The following LIMCH1 variants were observed in gnomAD, a reference collection of about 807,000 sequenced individuals.
LIMCH1 encodes LIM and calponin homology domains 1, also known as LIM and calponin homology domains-containing protein 1.
Under a neutral mutation model 176.5 loss-of-function variants are expected in LIMCH1, and 113 were observed. The observed-to-expected ratio is 0.64, with a 90% CI of 0.55 to 0.75. LIMCH1 has a LOEUF of 0.75. Among genes scored for constraint, LIMCH1 ranks in the 30% least tolerant of loss-of-function variants. The probability of loss-of-function intolerance (pLI) is 0.00; values close to 1 mark genes in which losing one functional copy is unlikely to be tolerated. For missense variants in LIMCH1, 1,674 were observed against 1,814.9 expected (o/e 0.92, Z 1.41); for synonymous variants, 619 against 645.9 (o/e 0.96, Z 0.63).
Position 41,632,758 on chromosome 4 carries a change from T to C in LIMCH1, c.1611T>C (p.Asn537=), listed in dbSNP as rs73810295. 9,056 of 1,536,154 alleles carry C rather than the reference T, an allele frequency of 5.9e-3. 450 individuals carry two copies. The African/African-American group carries it at 0.11, about 18-fold the overall frequency. ...ACTTGATCGTCTGCAGAACAATGAA[T>C]TGTGGCCGAGGTGACTATTGCAGAA... is the stretch of plus-strand genomic sequence containing the variant. ...FNRQNDCRTM[N]CGRGDYCRRA... Residue 537 remains asparagine, a synonymous_variant, in exon 11 of 32, where the codon AAT becomes AAC. Transcript: ENST00000503057.
At chr4:41,535,244 A>G (rs972437213), upstream of LIMCH1, among the ~76,000 whole-genome samples, 1 of 151,886 alleles carries the variant, frequency 6.6e-6, no homozygotes, top group South Asian at 2.1e-4. Context: ...TATCCATCCA[A>G]TCTTGTGCCC....
intron 1 of LIMCH1, among the ~76,000 whole-genome samples, chr4:41,447,088 G>A (rs1347461351): frequency 1.3e-5 from 2 of 152,086 alleles, no homozygotes; most frequent in African/African-American, 4.8e-5. Context: ...AAATTAGCTG[G>A]GCATGGTGGC....
At chr4:41,483,800 G>A (rs568849695) in intron 1 of LIMCH1, among the ~76,000 whole-genome samples, 47 of 152,262 alleles carry the variant, frequency 3.1e-4, no homozygotes, top group Middle Eastern at 3.4e-3. Context: ...AATGTCAGCC[G>A]CTCAAGGGCC....
intron 1 of LIMCH1, among the ~76,000 whole-genome samples, chr4:41,429,364 C>T (rs763529225): frequency 1.3e-5 from 2 of 151,862 alleles, no homozygotes; most frequent in Admixed American, 6.6e-5. Flanking sequence ...CCATAGCCAC[C>T]GAGTGAAGGG....
At chr4:41,487,757 C>CA (rs1347569360) in intron 1 of LIMCH1, among the ~76,000 whole-genome samples, 1 of 144,932 alleles carries the variant, frequency 6.9e-6, no homozygotes, top group Non-Finnish European at 1.5e-5. Context: ...CTCCTGGGTT[C>CA]ACGCCATTCT....
At chr4:41,593,144 C>G (rs913434994) in intron 1 of LIMCH1, among the ~76,000 whole-genome samples, 12 of 152,158 alleles carry the variant, frequency 7.9e-5, no homozygotes, top group African/African-American at 2.9e-4. Flanking sequence ...GTAAGAGGCC[C>G]TGGGAAGGTA....
At chr4:41,621,349 A>G (rs953179095) in intron 7 of LIMCH1, among the ~76,000 whole-genome samples, 1 of 152,094 alleles carries the variant, frequency 6.6e-6, no homozygotes, top group East Asian at 1.9e-4. Context: ...ATAGTTCTGC[A>G]CTCTTCTGTA....
chr4:41,484,294 C>T (rs1483432550), intron 1 of LIMCH1, among the ~76,000 whole-genome samples: 1 of 152,088 alleles, frequency 6.6e-6, no homozygotes, highest in East Asian at 1.9e-4. Context: ...GGGTTGGGAC[C>T]AGATCTTGTC....
At chr4:41,641,975 G>A (rs2093841257) in intron 14 of LIMCH1, among the ~76,000 whole-genome samples, 1 of 152,224 alleles carries the variant, frequency 6.6e-6, no homozygotes, top group Admixed American at 6.5e-5. Flanking sequence ...ACAGACAAAG[G>A]TAATTCTTAA....
chr4:41,419,200 C>T (rs549934336), intron 1 of LIMCH1, among the ~76,000 whole-genome samples: 17 of 150,796 alleles, frequency 1.1e-4, no homozygotes, highest in South Asian at 1.0e-3. Context: ...TATTTTGAGA[C>T]GGAGTCTAGC....
In LIMCH1 at chr4:41,538,343, G is replaced by A. The variant is rs574413333; in HGVS notation, c.-248G>A. 178 of 985,188 alleles carry A rather than the reference G, an allele frequency of 1.8e-4. No individual in the cohort carries two copies. Among genetic ancestry groups the A allele is most frequent in the Non-Finnish European group, 2.1e-4 (172 of 829,888 alleles). The allele number at this position is 985,188 out of a possible 1,614,324, so 61.0% of individuals were successfully genotyped here. The stretch of plus-strand genomic sequence containing the variant: ...GGAGTTCATTGCGGAGCATGAGGAC[G>A]TGTGGGGGTAAGTAAAATTCATTAT... On this transcript the variant is annotated 5_prime_UTR_variant, in exon 1 of 32. In the 5' UTR this introduces an upstream ATG that the reference lacks. Transcript: ENST00000503057.
chr4:41,373,424 T>C (rs1381951537), intron 1 of LIMCH1, among the ~76,000 whole-genome samples: 1 of 152,242 alleles, frequency 6.6e-6, no homozygotes, highest in Non-Finnish European at 1.5e-5. Flanking sequence ...GAATCCTCCG[T>C]GCTTCTTGGC....
intron 1 of LIMCH1, among the ~76,000 whole-genome samples, chr4:41,552,076 C>T (rs1415775719): frequency 2.0e-5 from 3 of 152,114 alleles, no homozygotes; most frequent in African/African-American, 7.2e-5. Context: ...CAAGAGAGAG[C>T]GTGTGCAGGG....
At chr4:41,477,925 T>G (rs111693794) in intron 1 of LIMCH1, among the ~76,000 whole-genome samples, 43 of 152,296 alleles carry the variant, frequency 2.8e-4, no homozygotes, top group African/African-American at 1.0e-3. Flanking sequence ...AGCTACCACC[T>G]TAATGGTGGA....
chr4:41,408,785 T>C (rs2059217839), intron 1 of LIMCH1, among the ~76,000 whole-genome samples: 1 of 152,200 alleles, frequency 6.6e-6, no homozygotes, highest in African/African-American at 2.4e-5. Context: ...TGGTTTAAAC[T>C]TTTGGGAGTT....
intron 28 of LIMCH1, 131 bp from the exon 29 acceptor site, chr4:41,687,709 G>C: frequency 1.8e-6 from 1 of 562,890 alleles, no homozygotes; most frequent in South Asian, 2.8e-5. Context: ...GCCAGGAAAT[G>C]CTGTGGTCTT....
intron 1 of LIMCH1, among the ~76,000 whole-genome samples, chr4:41,374,142 C>G (rs538110724): frequency 6.6e-6 from 1 of 152,140 alleles, no homozygotes; most frequent in South Asian, 2.1e-4. Context: ...GGTGCAAATG[C>G]AGGCTGTTGA....
chr4:41,425,825 T>G (rs1581960940), intron 1 of LIMCH1, among the ~76,000 whole-genome samples: 1 of 152,302 alleles, frequency 6.6e-6, no homozygotes, highest in Non-Finnish European at 1.5e-5. Flanking sequence ...GCTTTTCTGT[T>G]TGGGATTCTG....
chr4:41,671,055 C>T, intron 21 of LIMCH1: 1 of 818,872 alleles, frequency 1.2e-6, no homozygotes, highest in Non-Finnish European at 1.5e-6. Context: ...AGTCCCCTGC[C>T]TTTAAAAAAA....
Sources: gnomAD v4.1 joint callset for allele counts (sites outside exome capture counted in the v4.1 genomes callset) on GRCh38, gnomAD v4.1.1 for gene constraint, MANE v1.5 for transcripts, NCBI Gene and HGNC (gene_info 2026-07-23, HGNC 2026-07-21) for gene names.